PBX1: variants seen among roughly 807,000 people sequenced by gnomAD.
The protein encoded by PBX1 is PBX homeobox 1, also known as pre-B-cell leukemia transcription factor 1.
Under a neutral mutation model 53.4 loss-of-function variants are expected in PBX1, and 6 were observed. The ratio of observed to expected loss-of-function variants is 0.11; its 90% confidence interval spans 0.06 to 0.22. The LOEUF (loss-of-function observed/expected upper bound fraction) is 0.22, where lower values mean the gene tolerates loss of function less well. Ranked by LOEUF, PBX1 falls within the 10% of genes least tolerant of loss-of-function variation. The pLI is 1.00. For synonymous variants in PBX1, 204 were observed against 212.3 expected (o/e 0.96, Z 0.34); for missense variants, 251 against 551.4 (o/e 0.46, Z 5.46).
At chr1:164,855,185 A>G (rs978112965), downstream of PBX1, among the ~76,000 whole-genome samples, 15 of 152,084 alleles carry the variant, frequency 9.9e-5, no homozygotes, top group African/African-American at 3.6e-4. Context: ...GGTTCAAGCA[A>G]TCTGCCTACA....
chr1:164,853,967 G>T (rs1159938663), downstream of PBX1, among the ~76,000 whole-genome samples: 4 of 148,368 alleles, frequency 2.7e-5, no homozygotes, highest in Admixed American at 6.8e-5. Flanking sequence ...GGTATCTCGT[G>T]TGATCTCTGC....
chr1:164,672,975 C>T (rs962350792), intron 2 of PBX1, among the ~76,000 whole-genome samples: 8 of 151,928 alleles, frequency 5.3e-5, no homozygotes, highest in African/African-American at 1.9e-4. Context: ...CTCCTGCTAT[C>T]TTAAAGCCAC....
chr1:164,865,262 G>A (rs1672190513), intron 2 of PBX1, among the ~76,000 whole-genome samples: 1 of 152,180 alleles, frequency 6.6e-6, no homozygotes, highest in Admixed American at 6.5e-5. Flanking sequence ...TTGAATGAAT[G>A]GATCCGTTTA....
At chr1:164,699,699 A>G (rs946305948) in intron 2 of PBX1, among the ~76,000 whole-genome samples, 4 of 152,182 alleles carry the variant, frequency 2.6e-5, no homozygotes, top group Non-Finnish European at 5.9e-5. Context: ...CTGTCCCTTC[A>G]GGTCTGTTAA....
intron 2 of PBX1, among the ~76,000 whole-genome samples, chr1:164,715,462 G>A (rs1024891133): frequency 1.3e-5 from 2 of 152,166 alleles, no homozygotes; most frequent in South Asian, 2.1e-4. Flanking sequence ...AGGAGTTGGT[G>A]TATTCTTAGC....
intron 8 of PBX1, among the ~76,000 whole-genome samples, chr1:164,846,345 AAC>A (rs1671567519): frequency 6.6e-6 from 1 of 152,136 alleles, no homozygotes; most frequent in Admixed American, 6.5e-5. Context: ...GGGAAGTATA[AAC>A]ACATCATACT....
chr1:164,682,802 C>T (rs1661864068), intron 2 of PBX1: 2 of 152,136 alleles, frequency 1.3e-5, no homozygotes, highest in South Asian at 2.1e-4. Flanking sequence ...CAGAGTTCGT[C>T]CCTGGGAAAC....
At chr1:164,566,309 GT>G (rs2101697176) in intron 2 of PBX1, among the ~76,000 whole-genome samples, 1 of 152,206 alleles carries the variant, frequency 6.6e-6, no homozygotes, top group African/African-American at 2.4e-5. Flanking sequence ...AATGTGGGTA[GT>G]TTTTATTCTG....
chr1:164,722,799 CAGAAG>C (rs1664481064), intron 2 of PBX1, among the ~76,000 whole-genome samples: 1 of 146,924 alleles, frequency 6.8e-6, no homozygotes, highest in Non-Finnish European at 1.6e-5. Context: ...ACAAAGGGTG[CAGAAG>C]CACTGCTCAG....
At chr1:164,734,862 ATC>A (rs1219255740) in intron 2 of PBX1, among the ~76,000 whole-genome samples, 1 of 152,214 alleles carries the variant, frequency 6.6e-6, no homozygotes, top group African/African-American at 2.4e-5. Context: ...CTTTAGGAAT[ATC>A]TCTGAAGTAA....
At chr1:164,613,499 T>G (rs1657075854) in intron 2 of PBX1, among the ~76,000 whole-genome samples, 1 of 152,140 alleles carries the variant, frequency 6.6e-6, no homozygotes, top group Admixed American at 6.5e-5. Flanking sequence ...GTAAAGCTAT[T>G]CCTAACTTTC....
At chr1:164,615,620 C>T (rs894119746) in intron 2 of PBX1, among the ~76,000 whole-genome samples, 1 of 152,114 alleles carries the variant, frequency 6.6e-6, no homozygotes, top group Admixed American at 6.5e-5. Flanking sequence ...GCCGCCGCAC[C>T]GTTGATTGGA....
intron 2 of PBX1, among the ~76,000 whole-genome samples, chr1:164,883,768 T>C (rs950215046): frequency 3.3e-5 from 5 of 152,236 alleles, no homozygotes; most frequent in Non-Finnish European, 7.3e-5. Flanking sequence ...CTTTGAGCTC[T>C]TCTCAGCTAC....
In PBX1 at chr1:164,883,478, T is replaced by C. The variant is rs73030732; in HGVS notation, n.258-15710T>C. Among the ~76,000 whole-genome samples the C allele has an allele frequency of 1.7e-3, 257 of 152,330 alleles. 1 individual carries two copies. The highest frequency in any genetic ancestry group is 5.8e-3 in the African/African-American group (241 of 41,574). ...TATGTGAAAACAGAAAAAATATCTT[T>C]ATAATTCTATCACCCTAACACAATA... On this transcript the variant is annotated intron_variant and non_coding_transcript_variant, in intron 2 of 2. Transcript: ENST00000558796.
Position 164,848,235 on chromosome 1 carries a change from A to G in PBX1, c.*1559A>G, listed in dbSNP as rs1571524050. On this transcript the variant is annotated 3_prime_UTR_variant, in exon 9 of 9. Coordinates refer to ENST00000420696, the MANE Select transcript of PBX1 (RefSeq NM_002585.4). ...AGAAAATAGCATGTATATGAAAGCT[A>G]TTCTCAAAAGTCACCTGAGCTCACC... 1 of 1,053,094 alleles carries G rather than the reference A, an allele frequency of 9.5e-7. No individual in the cohort carries two copies. The highest frequency in any genetic ancestry group is 1.1e-6 in the Non-Finnish European group (1 of 871,718). The allele number at this position is 1,053,094 out of a possible 1,614,324, so 65.2% of individuals were successfully genotyped here.
At chr1:164,584,739 C>T (rs538524143) in intron 2 of PBX1, among the ~76,000 whole-genome samples, 3 of 152,222 alleles carry the variant, frequency 2.0e-5, no homozygotes, top group South Asian at 2.1e-4. Context: ...GACTAGGAAG[C>T]TGGCTGGACA....
intron 4 of PBX1, among the ~76,000 whole-genome samples, chr1:164,806,549 C>T (rs1375110767): frequency 6.6e-6 from 1 of 152,164 alleles, no homozygotes; most frequent in Non-Finnish European, 1.5e-5. Context: ...TAACTTATGG[C>T]TGCAGAAGCT....
intron 2 of PBX1, among the ~76,000 whole-genome samples, chr1:164,713,664 G>T (rs925901195): frequency 6.6e-6 from 1 of 152,106 alleles, no homozygotes; most frequent in Non-Finnish European, 1.5e-5. Flanking sequence ...AAAGGAACCC[G>T]TGCATGGGGG....
chr1:164,643,951 A>G (rs897646564), intron 2 of PBX1, among the ~76,000 whole-genome samples: 5 of 152,106 alleles, frequency 3.3e-5, no homozygotes, highest in African/African-American at 1.2e-4. Flanking sequence ...TCACATATTT[A>G]TTGCTTGTAT....
Sources: allele counts gnomAD v4.1 joint callset (sites outside exome capture counted in the v4.1 genomes callset), GRCh38; gene constraint gnomAD v4.1.1; transcripts MANE v1.5; gene names NCBI Gene and HGNC (gene_info 2026-07-23, HGNC 2026-07-21).